The following KAZN variants were observed in gnomAD, a reference collection of about 807,000 sequenced individuals.
The protein encoded by KAZN is kazrin, periplakin interacting protein, also known as kazrin.
In KAZN, 40 loss-of-function variants were observed where a neutral mutation model predicts 87.4. The observed-to-expected ratio is 0.46, with a 90% confidence interval of 0.36 to 0.60. The LOEUF is 0.60. Among genes scored for constraint, KAZN ranks in the 20% least tolerant of loss-of-function variants. KAZN has a pLI of 0.00. For synonymous variants in KAZN, 466 were observed against 458.3 expected (o/e 1.02, Z -0.22); for missense variants, 898 against 1,073.9 (o/e 0.84, Z 2.29).
chr1:14,909,464 G>A (rs116699363), intron 1 of KAZN, among the ~76,000 whole-genome samples: 11,729 of 152,184 alleles, frequency 0.077, 505 homozygotes, highest in Middle Eastern at 0.14. Context: ...CACCTAACTC[G>A]TAACATCTCA....
chr1:14,455,080 G>A (rs1667492423), intron 2 of KAZN, among the ~76,000 whole-genome samples: 1 of 152,204 alleles, frequency 6.6e-6, no homozygotes, highest in Non-Finnish European at 1.5e-5. Flanking sequence ...AAGAAAAAGC[G>A]AGAGAGGGTC....
chr1:13,893,539 C>A, exon 1 of KAZN: 1 of 1,419,754 alleles, frequency 7.0e-7, no homozygotes, highest in Non-Finnish European at 9.3e-7. Flanking sequence ...GGGGCGGGGA[C>A]ATTTTCTTGG....
chr1:13,951,735 T>G (rs1641352758), intron 1 of KAZN, among the ~76,000 whole-genome samples: 1 of 152,034 alleles, frequency 6.6e-6, no homozygotes, highest in Non-Finnish European at 1.5e-5. Context: ...AGGGTTGCTG[T>G]CCATGATGAT....
Position 14,856,945 on chromosome 1 carries a change from A to G in KAZN, c.227-103739A>G, listed in dbSNP as rs965757483. Among the ~76,000 whole-genome samples the G allele has an allele frequency of 6.6e-5, 10 of 152,160 alleles. No homozygotes were observed. Among genetic ancestry groups the G allele is most frequent in the Admixed American group, 1.3e-4 (2 of 15,278 alleles). The stretch of plus-strand genomic sequence containing the variant: ...CTTTGGAAACTATCTTCATCCACAC[A>G]TAGGGGTTTCTGCAGAGGATAACAA... On this transcript the variant is annotated intron_variant, in intron 1 of 14. Transcript: ENST00000376030. This position sits in a 1 kb window ranked among gnomAD's most constrained non-coding sequence, Gnocchi z 5.2.
At chr1:13,965,194 C>CTT (rs1311021790) in intron 1 of KAZN, among the ~76,000 whole-genome samples, 11 of 152,064 alleles carry the variant, frequency 7.2e-5, no homozygotes, top group African/African-American at 2.7e-4. Context: ...CAGGATCTAA[C>CTT]TTGCAGTTTT....
intron 1 of KAZN, among the ~76,000 whole-genome samples, chr1:14,714,125 A>C (rs1302426490): frequency 6.6e-6 from 1 of 152,016 alleles, no homozygotes; most frequent in African/African-American, 2.4e-5. Context: ...ACTGATGGAG[A>C]CTGCCTGTGG....
rs549051679 is a variant in KAZN at position 14,430,946 on chromosome 1, G to A, written c.250-168037G>A. 4.6e-5 allele frequency among the ~76,000 whole-genome samples: 7 copies of A among 152,290 alleles called. No individual in the cohort carries two copies. The East Asian group carries it at 1.4e-3, about 29-fold the overall frequency. On this transcript the variant is annotated intron_variant, in intron 2 of 16. Transcript: ENST00000636203. ...AGCTCTGTCGCCACAGCCTCCTTAG[G>A]GAAGACTCCTGGAACCCATGACCTC...
At chr1:14,152,169 TACAA>T (rs1394289551) in intron 1 of KAZN, among the ~76,000 whole-genome samples, 3 of 152,234 alleles carry the variant, frequency 2.0e-5, no homozygotes, top group Non-Finnish European at 4.4e-5. Flanking sequence ...TCCTTTGTGT[TACAA>T]ACAATTCAAT....
chr1:14,895,167 C>A (rs563654626), intron 1 of KAZN, among the ~76,000 whole-genome samples: 2 of 152,360 alleles, frequency 1.3e-5, no homozygotes, highest in South Asian at 4.1e-4. Context: ...ATCATTTATG[C>A]CTTTTTCCCC....
intron 1 of KAZN, among the ~76,000 whole-genome samples, chr1:13,987,356 G>A (rs1639070052): frequency 6.6e-6 from 1 of 152,036 alleles, no homozygotes; most frequent in Non-Finnish European, 1.5e-5. Flanking sequence ...AGTGTGTGAT[G>A]TTCCCCTCCC....
In KAZN at chr1:15,099,484, G is replaced by A. The variant is rs1305346725; in HGVS notation, c.1548-2059G>A. Among the ~76,000 whole-genome samples, 2 of 152,158 alleles carry A rather than the reference G, an allele frequency of 1.3e-5. No individual in the cohort carries two copies. The highest frequency in any genetic ancestry group is 2.4e-5 in the African/African-American group (1 of 41,434). ...AATTCAGAGAAAAGGGAGATTTGAC[G>A]CCCAAGGGATGAGGAGGGGTGAGCC... On this transcript the variant is annotated intron_variant, in intron 10 of 14. Coordinates refer to ENST00000376030, the MANE Select transcript of KAZN (RefSeq NM_201628.3). This position sits in a 1 kb window ranked among gnomAD's most constrained non-coding sequence, Gnocchi z 5.4.
At chr1:14,355,174 G>A (rs55882136) in intron 2 of KAZN, among the ~76,000 whole-genome samples, 24,772 of 152,036 alleles carry the variant, frequency 0.16, 2,084 homozygotes, top group Middle Eastern at 0.19. Flanking sequence ...TCAAGAAAAT[G>A]GTTGCTTTGG....
chr1:14,258,602 T>C (rs1650761135), intron 2 of KAZN, among the ~76,000 whole-genome samples: 3 of 152,180 alleles, frequency 2.0e-5, no homozygotes, highest in Non-Finnish European at 4.4e-5. Context: ...CTAGAATCTA[T>C]ACCAGGGAGA....
chr1:14,132,739 T>G (rs2101738612), intron 1 of KAZN, among the ~76,000 whole-genome samples: 1 of 152,266 alleles, frequency 6.6e-6, no homozygotes, highest in African/African-American at 2.4e-5. Flanking sequence ...AACAATATGT[T>G]TCCCCCATAC....
At chr1:14,365,368 T>TGGGG (rs796259489) in intron 2 of KAZN, among the ~76,000 whole-genome samples, 46 of 83,140 alleles carry the variant, frequency 5.5e-4, no homozygotes, top group African/African-American at 9.6e-4. Context: ...CCCCCCGGGG[T>TGGGG]GGGGGGGGGG....
chr1:14,820,708 G>A lies in KAZN; in HGVS notation c.227-139976G>A, dbSNP rs2100824297. Among the ~76,000 whole-genome samples, 1 of 152,332 alleles carries A rather than the reference G, an allele frequency of 6.6e-6. No homozygotes were observed. The highest frequency in any genetic ancestry group is 1.9e-4 in the East Asian group (1 of 5,186). Reference sequence around the variant, plus strand: ...GGAGGTATTCCTGTCTTGAGCAGAAGGTAAAGGTAGAAGGTGCAGATTAGG... The same window carrying A: ...GGAGGTATTCCTGTCTTGAGCAGAAAGTAAAGGTAGAAGGTGCAGATTAGG... On this transcript the variant is annotated intron_variant, in intron 1 of 14. Coordinates refer to ENST00000376030, the MANE Select transcript of KAZN (RefSeq NM_201628.3). This position sits in a 1 kb window ranked among gnomAD's most constrained non-coding sequence, Gnocchi z 4.1.
Position 14,943,007 on chromosome 1 carries a change from G to GGGGTGTGT in KAZN, c.227-17676_227-17675insGGTGTGTG, listed in dbSNP as rs1378110387. The stretch of plus-strand genomic sequence containing the variant: ...ATGTGAGCTGCGTGTGTGTGTGTGT[G>GGGGTGTGT]GTGTGTGTGTGTGTGTGTGTGTGTG... On this transcript the variant is annotated intron_variant, in intron 1 of 14. Transcript: ENST00000376030. 4.0e-5 allele frequency among the ~76,000 whole-genome samples: 4 copies of GGGGTGTGT among 100,864 alleles called. No individual in the cohort carries two copies. The South Asian group carries it at 9.9e-4, about 25-fold the overall frequency. 66.2% of individuals were successfully genotyped at this position (100,864 alleles called of 152,430 possible). A position where few individuals can be genotyped will look rare whatever the true frequency, so the allele number is the denominator to read the frequency against.
chr1:14,794,498 G>A (rs1296643863), intron 1 of KAZN, among the ~76,000 whole-genome samples: 1 of 152,250 alleles, frequency 6.6e-6, no homozygotes, highest in African/African-American at 2.4e-5. Context: ...GTGCTGGTAA[G>A]TGTTGAACAA....
chr1:14,941,251 C>A (rs1330318624), intron 1 of KAZN, among the ~76,000 whole-genome samples: 1 of 152,072 alleles, frequency 6.6e-6, no homozygotes, highest in African/African-American at 2.4e-5. Flanking sequence ...GCCCTGCATC[C>A]CCACCCCAGT....
Sources: allele counts gnomAD v4.1 joint callset (sites outside exome capture counted in the v4.1 genomes callset), GRCh38; gene constraint gnomAD v4.1.1; non-coding constraint Gnocchi (gnomAD v3.1); transcripts MANE v1.5; gene names NCBI Gene and HGNC (gene_info 2026-07-23, HGNC 2026-07-21).